The following NELL1 variants were observed in gnomAD, a reference collection of about 807,000 sequenced individuals.
The protein encoded by NELL1 is neural EGFL like 1.
NELL1 carries 76 observed loss-of-function variants against 107.4 expected under a neutral mutation model. That is an observed-to-expected ratio of 0.71 (90% CI 0.59 to 0.86). The LOEUF (loss-of-function observed/expected upper bound fraction) is 0.86, where lower values mean the gene tolerates loss of function less well. NELL1 is among the 40% of genes least tolerant of loss of function. NELL1 has a pLI of 0.00. For synonymous variants in NELL1, 353 were observed against 341.2 expected, an observed-to-expected ratio of 1.03 and a Z score of -0.38; for missense variants, 1,024 against 1,005.5, an observed-to-expected ratio of 1.02 and a Z score of -0.25.
At chr11:20,968,439 C>G (rs116014345) in intron 12 of NELL1, among the ~76,000 whole-genome samples, 3,253 of 152,216 alleles carry the variant, frequency 0.021, 117 homozygotes, top group African/African-American at 0.073. Context: ...ACTAGCATTG[C>G]TCAAGGGCTG....
At chr11:21,331,533 A>G (rs1850272690) in intron 14 of NELL1, among the ~76,000 whole-genome samples, 1 of 151,442 alleles carries the variant, frequency 6.6e-6, no homozygotes, top group African/African-American at 2.4e-5. Context: ...ACTATCCTTG[A>G]CTCTTCCCTT....
intron 2 of NELL1, among the ~76,000 whole-genome samples, chr11:20,759,969 A>G (rs933190764): frequency 2.0e-5 from 3 of 152,212 alleles, no homozygotes; most frequent in African/African-American, 7.2e-5. Context: ...ACCTCTAAAC[A>G]TAGTGGCTCC....
chr11:21,318,822 A>G (rs2133661292), intron 14 of NELL1, among the ~76,000 whole-genome samples: 1 of 152,172 alleles, frequency 6.6e-6, no homozygotes, highest in South Asian at 2.1e-4. Context: ...GTAAATCAAA[A>G]TCGTTAAGAG....
chr11:20,846,943 T>C (rs1329737611), intron 3 of NELL1, among the ~76,000 whole-genome samples: 2 of 152,220 alleles, frequency 1.3e-5, no homozygotes, highest in African/African-American at 4.8e-5. Context: ...GAATTTCTTA[T>C]GGGTTTGAAA....
chr11:21,548,227 T>A (rs1856490871), intron 16 of NELL1, among the ~76,000 whole-genome samples: 1 of 151,864 alleles, frequency 6.6e-6, no homozygotes, highest in African/African-American at 2.4e-5. Context: ...TTGTAATGGT[T>A]TTTAGATAGA....
intron 4 of NELL1, among the ~76,000 whole-genome samples, chr11:20,869,477 T>G (rs1279988396): frequency 6.6e-6 from 1 of 152,180 alleles, no homozygotes; most frequent in Non-Finnish European, 1.5e-5. Flanking sequence ...CAGAGACAAC[T>G]GAGCCAGTTC....
chr11:21,451,195 AAAAAAAAG>A lies in NELL1; in HGVS notation c.1645+80255_1645+80262del, dbSNP rs1853573186. ...GAGATAGACTCCGTCTAAAAAAAAA[AAAAAAAAG>A]AAAAAAAAAAGAAAAAAGAAAAAGA... is the stretch of plus-strand genomic sequence containing the variant. On this transcript the variant is annotated intron_variant, in intron 15 of 19. Coordinates refer to ENST00000357134, the MANE Select transcript of NELL1 (RefSeq NM_006157.5). Among the ~76,000 whole-genome samples the A allele has an allele frequency of 4.3e-5, 6 of 140,126 alleles. No homozygotes were observed. The South Asian group carries it at 1.3e-3, about 30-fold the overall frequency. 91.9% of individuals were successfully genotyped at this position (140,126 alleles called of 152,430 possible).
intron 15 of NELL1, among the ~76,000 whole-genome samples, chr11:21,421,605 C>A (rs1257207774): frequency 2.0e-5 from 3 of 151,948 alleles, no homozygotes; most frequent in African/African-American, 7.3e-5. Flanking sequence ...CCCCACCCCA[C>A]AGCATTACTG....
chr11:21,087,278 T>G (rs1024088652), intron 12 of NELL1, among the ~76,000 whole-genome samples: 1 of 152,104 alleles, frequency 6.6e-6, no homozygotes, highest in Admixed American at 6.6e-5. Context: ...AAGAACAAGA[T>G]AGGAAGAGGA....
At chr11:20,866,003 T>C (rs1215539835) in intron 4 of NELL1, among the ~76,000 whole-genome samples, 1 of 152,172 alleles carries the variant, frequency 6.6e-6, no homozygotes, top group Non-Finnish European at 1.5e-5. Flanking sequence ...GGGTTTCTTT[T>C]CAGTAAAATG....
At chr11:20,963,069 T>C (rs1851321076) in intron 12 of NELL1, among the ~76,000 whole-genome samples, 1 of 152,132 alleles carries the variant, frequency 6.6e-6, no homozygotes, top group Non-Finnish European at 1.5e-5. Flanking sequence ...TCTTCAGCAT[T>C]TGAACTTTGA....
intron 12 of NELL1, among the ~76,000 whole-genome samples, chr11:21,106,946 A>G (rs182852690): frequency 8.3e-4 from 126 of 152,278 alleles, no homozygotes; most frequent in Non-Finnish European, 3.8e-4. Context: ...CTCATCTGAA[A>G]AAGGGAAGAA....
chr11:20,824,766 T>C (rs1212483102), intron 3 of NELL1, among the ~76,000 whole-genome samples: 1 of 151,330 alleles, frequency 6.6e-6, no homozygotes, highest in African/African-American at 2.4e-5. Context: ...TAATTTAGGA[T>C]ATCTGGCAGA....
intron 14 of NELL1, among the ~76,000 whole-genome samples, chr11:21,349,059 G>T (rs1391209012): frequency 2.0e-5 from 3 of 152,062 alleles, no homozygotes; most frequent in Admixed American, 6.6e-5. Context: ...AGATGTAGAG[G>T]AAAGCACAAA....
At chr11:21,057,848 G>A (rs905862330) in intron 12 of NELL1, among the ~76,000 whole-genome samples, 1 of 151,880 alleles carries the variant, frequency 6.6e-6, no homozygotes, top group African/African-American at 2.4e-5. Context: ...TTAGTTTTAT[G>A]CTAGGAAAAA....
chr11:21,292,505 A>C lies in NELL1; in HGVS notation c.1549+63051A>C, dbSNP rs372887263. ...TATCGTGAAAATGGCCATACTGCCTAAAGTAATTTATAGATTCAATGCTCT... is the reference window on the plus strand; with the variant it reads ...TATCGTGAAAATGGCCATACTGCCTCAAGTAATTTATAGATTCAATGCTCT... On this transcript the variant is annotated intron_variant, in intron 14 of 19. Coordinates refer to ENST00000357134, the MANE Select transcript of NELL1 (RefSeq NM_006157.5). Among the ~76,000 whole-genome samples the C allele has an allele frequency of 5.9e-5, 9 of 152,326 alleles. No individual in the cohort carries two copies. In the East Asian group the frequency reaches 1.7e-3, roughly 29 times the overall value.
At chr11:21,239,616 G>T (rs1261032190) in intron 14 of NELL1, among the ~76,000 whole-genome samples, 1 of 152,048 alleles carries the variant, frequency 6.6e-6, no homozygotes, top group Non-Finnish European at 1.5e-5. Context: ...GGATCACTTT[G>T]TTCCAGAAAA....
intron 12 of NELL1, among the ~76,000 whole-genome samples, chr11:21,035,934 G>A (rs1358903442): frequency 6.6e-6 from 1 of 152,152 alleles, no homozygotes; most frequent in Non-Finnish European, 1.5e-5. Context: ...TAGGAAGGGA[G>A]GAAGTCAAAC....
Position 20,678,148 on chromosome 11 carries a change from A to G in NELL1, c.184+88A>G, listed in dbSNP as rs1175707166. On this transcript the variant is annotated intron_variant, in intron 2 of 19. Transcript: ENST00000357134. ...GCTCATTTGTTGTGTGTTTGTCTGG[A>G]GATCGCCTTTGCTATTTCTCTTGTG... 11 of 1,472,636 alleles carry G rather than the reference A, an allele frequency of 7.5e-6. No homozygotes were observed. The Admixed American group carries it at 1.9e-4, about 25-fold the overall frequency. 91.2% of individuals were successfully genotyped at this position (1,472,636 alleles called of 1,614,324 possible).
Sources: gnomAD v4.1 joint callset for allele counts (sites outside exome capture counted in the v4.1 genomes callset) on GRCh38, gnomAD v4.1.1 for gene constraint, MANE v1.5 for transcripts, NCBI Gene and HGNC (gene_info 2026-07-23, HGNC 2026-07-21) for gene names.